RUNX1: variants seen among roughly 807,000 people sequenced by gnomAD.
The protein encoded by RUNX1 is RUNX family transcription factor 1, also known as runt-related transcription factor 1.
RUNX1 carries 19 observed loss-of-function variants against 42.8 expected under a neutral mutation model. The observed-to-expected ratio is 0.44, with a 90% CI of 0.31 to 0.65. The LOEUF (loss-of-function observed/expected upper bound fraction) is 0.65. RUNX1 is among the 30% of genes least tolerant of loss of function. The probability of loss-of-function intolerance (pLI) is 0.07; values close to 1 mark genes in which losing one functional copy is unlikely to be tolerated. For missense variants in RUNX1, 528 were observed against 672.0 expected (o/e 0.79, Z 2.37); for synonymous variants, 271 against 289.4 (o/e 0.94, Z 0.64).
intron 5 of RUNX1, among the ~76,000 whole-genome samples, chr21:34,874,227 C>T (rs2057781012): frequency 6.6e-6 from 1 of 151,874 alleles, no homozygotes; most frequent in South Asian, 2.1e-4. Flanking sequence ...ATACACTCTC[C>T]CCATATTGAC....
intron 2 of RUNX1, among the ~76,000 whole-genome samples, chr21:35,043,173 G>A (rs997130213): frequency 5.9e-5 from 9 of 152,218 alleles, no homozygotes; most frequent in East Asian, 1.9e-4. Flanking sequence ...TTGTGTTCAC[G>A]GTCAGCAAAG....
At chr21:34,872,258 T>G (rs1601498325) in intron 5 of RUNX1, among the ~76,000 whole-genome samples, 5 of 152,368 alleles carry the variant, frequency 3.3e-5, no homozygotes, top group Admixed American at 3.3e-4. Context: ...AGTGAGCCTC[T>G]GGCAGAGGGC....
intron 2 of RUNX1, among the ~76,000 whole-genome samples, chr21:34,957,728 C>A (rs2058654898): frequency 1.3e-5 from 2 of 152,188 alleles, no homozygotes; most frequent in Non-Finnish European, 2.9e-5. Context: ...GAATGAGGCA[C>A]ACACCTCCTC....
rs2056422958 is a variant in RUNX1, at chr21:34,790,684, G to T, written c.*1451C>A. ...GAAAGCAACACAAAGATGTTGTTGA[G>T]TGAGCAGCACAGGACAGGGGGTCTC... On this transcript the variant is annotated 3_prime_UTR_variant, in exon 9 of 9. Coordinates refer to ENST00000675419, the MANE Select transcript of RUNX1 (RefSeq NM_001754.5). 1 of 233,252 alleles carries T rather than the reference G, an allele frequency of 4.3e-6. No individual in the cohort carries two copies. The highest frequency in any genetic ancestry group is 2.2e-5 in the African/African-American group (1 of 45,358). 14.4% of individuals were successfully genotyped at this position (233,252 alleles called of 1,614,324 possible).
chr21:34,928,810 G>C (rs1306601635), intron 2 of RUNX1, among the ~76,000 whole-genome samples: 1 of 152,122 alleles, frequency 6.6e-6, no homozygotes, highest in Non-Finnish European at 1.5e-5. Context: ...GCCCACAGCT[G>C]TGGTCAGTGT....
At chr21:34,996,560 G>C (rs2058998144) in intron 2 of RUNX1, among the ~76,000 whole-genome samples, 1 of 151,878 alleles carries the variant, frequency 6.6e-6, no homozygotes, top group Non-Finnish European at 1.5e-5. Context: ...CAGAATCTTT[G>C]GCCTAAAAAG....
chr21:34,956,018 T>G (rs2058641344), intron 2 of RUNX1, among the ~76,000 whole-genome samples: 1 of 152,200 alleles, frequency 6.6e-6, no homozygotes, highest in Non-Finnish European at 1.5e-5. Context: ...TAAATTCAGC[T>G]AATAGCCAAA....
intron 2 of RUNX1, among the ~76,000 whole-genome samples, chr21:34,977,863 A>G (rs1393726560): frequency 6.6e-6 from 1 of 152,168 alleles, no homozygotes; most frequent in African/African-American, 2.4e-5. Context: ...TCTACTTCAT[A>G]GTTTTCATCA....
At chr21:34,833,999 C>A in intron 7 of RUNX1, 4 of 349,834 alleles carry the variant, frequency 1.1e-5, no homozygotes, top group South Asian at 5.1e-5. Flanking sequence ...TTGAAACATC[C>A]CATCTTCACT....
intron 6 of RUNX1, among the ~76,000 whole-genome samples, chr21:34,854,343 A>G (rs1452020385): frequency 6.6e-6 from 1 of 152,170 alleles, no homozygotes; most frequent in Non-Finnish European, 1.5e-5. Flanking sequence ...AAAAACAAAA[A>G]TCAGACAGAA....
intron 2 of RUNX1, among the ~76,000 whole-genome samples, chr21:35,022,532 T>A (rs529188269): frequency 2.0e-5 from 3 of 152,200 alleles, no homozygotes; most frequent in Non-Finnish European, 4.4e-5. Flanking sequence ...CAACACTCTA[T>A]GTTAGAGCAT....
chr21:34,859,859 C>T (rs2248720), intron 5 of RUNX1, among the ~76,000 whole-genome samples: 3 of 152,042 alleles, frequency 2.0e-5, no homozygotes, highest in Non-Finnish European at 4.4e-5. Context: ...TCAGGATTTC[C>T]GGAAACCATA....
intron 6 of RUNX1, among the ~76,000 whole-genome samples, chr21:34,844,734 C>T (rs1171069974): frequency 1.3e-5 from 2 of 152,214 alleles, no homozygotes; most frequent in Non-Finnish European, 2.9e-5. Context: ...TTCTAAAAGC[C>T]CTGCCCCCTG....
At chr21:34,981,216 T>C (rs1425195416) in intron 2 of RUNX1, among the ~76,000 whole-genome samples, 1 of 152,194 alleles carries the variant, frequency 6.6e-6, no homozygotes, top group East Asian at 1.9e-4. Flanking sequence ...TCCACGCCAA[T>C]CTGATGTGAG....
rs750755857 is a variant in RUNX1 at position 35,048,865 on chromosome 21, G to A, written c.35C>T (p.Ser12Leu). 14 of 1,613,768 alleles carry A rather than the reference G, an allele frequency of 8.7e-6. No homozygotes were observed. The highest frequency in any genetic ancestry group is 1.6e-4 in the Middle Eastern group (1 of 6,084). Residue 12 changes from serine to leucine, a missense_variant, in exon 2 of 9, where the codon TCG becomes TTG. This residue lies in a region of RUNX1 where 114 missense variants were observed against 115.0 expected (regional missense o/e 0.99). Coordinates refer to ENST00000675419, the MANE Select transcript of RUNX1 (RefSeq NM_001754.5). ...ASDSIFESFP[S>L]YPQCFMRECI... ...ACCTCTCATGAAGCACTGTGGGTAC[G>A]AAGGAAATGACTCAAATATGCTGTC...
Position 34,792,671 on chromosome 21 carries a change from T to G in RUNX1, c.968-61A>C. 8.6e-5 allele frequency: 125 copies of G among 1,451,412 alleles called. No homozygotes were observed. The highest frequency in any genetic ancestry group is 1.1e-4 in the Non-Finnish European group (113 of 1,075,350). 89.9% of individuals were successfully genotyped at this position (1,451,412 alleles called of 1,614,324 possible). A position where few individuals can be genotyped will look rare whatever the true frequency, so the allele number is the denominator to read the frequency against. On this transcript the variant is annotated intron_variant, in intron 8 of 8. Transcript: ENST00000675419. The surrounding 1 kb of genome is among the most constrained non-coding windows in gnomAD (Gnocchi z 6.9). ...TAGGAGGTTGCGGAGGCCACAGCTC[T>G]TCCCTCTGCCCCAGGGGGCTACCCA...
At chr21:34,803,989 G>GA (rs2056644624) in intron 7 of RUNX1, among the ~76,000 whole-genome samples, 2 of 152,124 alleles carry the variant, frequency 1.3e-5, no homozygotes, top group Non-Finnish European at 2.9e-5. Context: ...GTTTTTATAA[G>GA]AAAAAATGCT....
intron 5 of RUNX1, among the ~76,000 whole-genome samples, chr21:34,874,851 C>T (rs2057791658): frequency 6.6e-6 from 1 of 152,070 alleles, no homozygotes; most frequent in Non-Finnish European, 1.5e-5. Context: ...GTCTATAATG[C>T]TTGTTGCTGA....
intron 2 of RUNX1, among the ~76,000 whole-genome samples, chr21:34,991,098 A>G (rs2058934009): frequency 6.6e-6 from 1 of 152,140 alleles, no homozygotes; most frequent in Non-Finnish European, 1.5e-5. Context: ...GCCAGGAGCA[A>G]TGCTGGAAGC....
Sources: allele counts gnomAD v4.1 joint callset (sites outside exome capture counted in the v4.1 genomes callset), GRCh38; gene constraint gnomAD v4.1.1; regional missense constraint gnomAD v4.1.1; non-coding constraint Gnocchi (gnomAD v3.1); transcripts MANE v1.5; gene names NCBI Gene and HGNC (gene_info 2026-07-23, HGNC 2026-07-21).